Variants in TMEM232 observed in about 807,000 individuals in gnomAD.
The protein encoded by TMEM232 is transmembrane protein 232.
TMEM232 carries 80 observed loss-of-function variants against 78.8 expected under a neutral mutation model. The observed-to-expected ratio is 1.01, with a 90% CI of 0.85 to 1.22. The LOEUF (loss-of-function observed/expected upper bound fraction) is 1.22. TMEM232 is among the 50% of genes most tolerant of loss of function. The pLI, the probability that TMEM232 is intolerant of heterozygous loss-of-function variation, is 0.00. For synonymous variants in TMEM232, 297 were observed against 254.3 expected (o/e 1.17, Z -1.60); for missense variants, 881 against 742.2 (o/e 1.19, Z -2.17).
intron 12 of TMEM232, chr5:110,513,948 A>G (rs1398204567): frequency 5.9e-6 from 1 of 170,264 alleles, no homozygotes; most frequent in Non-Finnish European, 1.5e-5. Flanking sequence ...AAATAAAATC[A>G]GTATGCCAAA....
At chr5:110,541,157 G>A (rs1773054980) in intron 11 of TMEM232, among the ~76,000 whole-genome samples, 1 of 152,124 alleles carries the variant, frequency 6.6e-6, no homozygotes, top group Non-Finnish European at 1.5e-5. Context: ...TTTCCATATA[G>A]GGAGAGATGC....
At chr5:110,434,871 T>C (rs887126738) in intron 12 of TMEM232, among the ~76,000 whole-genome samples, 1 of 152,026 alleles carries the variant, frequency 6.6e-6, no homozygotes, top group Non-Finnish European at 1.5e-5. Flanking sequence ...CATTCATCAA[T>C]AAATTCAGCA....
In TMEM232 at chr5:110,620,665, CT is replaced by C. The variant is rs1240105155; in HGVS notation, c.769-2104del. Among the ~76,000 whole-genome samples, 104 of 122,300 alleles carry C rather than the reference CT, an allele frequency of 8.5e-4. 1 individual carries two copies. The highest frequency in any genetic ancestry group is 2.3e-3 in the African/African-American group (80 of 34,304). The allele number at this position is 122,300 out of a possible 152,430, so 80.2% of individuals were successfully genotyped here. On this transcript the variant is annotated intron_variant, in intron 7 of 13. Transcript: ENST00000455884. ...CTCTCTCCTCTCTCTCTCTCCTCCT[CT>C]CTCTCTCTCTCTCTCTCCCTCTCTC... is the stretch of plus-strand genomic sequence containing the variant.
At chr5:110,434,553 C>T (rs1191538400) in intron 12 of TMEM232, among the ~76,000 whole-genome samples, 1 of 151,936 alleles carries the variant, frequency 6.6e-6, no homozygotes, top group Non-Finnish European at 1.5e-5. Flanking sequence ...GGTACAAATG[C>T]CACTGAAACT....
chr5:110,444,659 C>T (rs933617682), intron 12 of TMEM232, among the ~76,000 whole-genome samples: 2 of 152,194 alleles, frequency 1.3e-5, no homozygotes, highest in South Asian at 2.1e-4. Context: ...TTAGTTGCCA[C>T]GTTTTGTGGT....
intron 11 of TMEM232, among the ~76,000 whole-genome samples, chr5:110,537,342 G>A (rs1425871796): frequency 6.6e-6 from 1 of 151,514 alleles, no homozygotes; most frequent in African/African-American, 2.4e-5. Context: ...TGCCCAGCCT[G>A]GAACAATGAG....
chr5:110,465,216 G>A (rs1761946838), intron 12 of TMEM232, among the ~76,000 whole-genome samples: 1 of 152,248 alleles, frequency 6.6e-6, no homozygotes, highest in African/African-American at 2.4e-5. Context: ...TTAGAAAGCT[G>A]TCTTGGCAAA....
intron 12 of TMEM232, among the ~76,000 whole-genome samples, chr5:110,436,960 T>C (rs1480028818): frequency 6.6e-6 from 1 of 152,094 alleles, no homozygotes; most frequent in African/African-American, 2.4e-5. Context: ...ATATAAACTT[T>C]AGAATTTTTT....
At chr5:110,708,251 C>T (rs1381231313) in intron 1 of TMEM232, among the ~76,000 whole-genome samples, 1 of 152,120 alleles carries the variant, frequency 6.6e-6, no homozygotes, top group Admixed American at 6.5e-5. Context: ...TGAAAATATC[C>T]TTCAAGTATG....
intron 2 of TMEM232, among the ~76,000 whole-genome samples, chr5:110,660,115 G>A (rs994111081): frequency 1.9e-4 from 29 of 151,968 alleles, no homozygotes; most frequent in African/African-American, 6.0e-4. Context: ...ATTATATTCT[G>A]ACACATCATA....
At chr5:110,499,820 C>G (rs2149440143) in intron 12 of TMEM232, among the ~76,000 whole-genome samples, 1 of 152,114 alleles carries the variant, frequency 6.6e-6, no homozygotes, top group Non-Finnish European at 1.5e-5. Flanking sequence ...TTTGTATAAT[C>G]CTCTTTAATC....
At chr5:110,664,304 C>T (rs1275847718) in intron 2 of TMEM232, among the ~76,000 whole-genome samples, 1 of 152,034 alleles carries the variant, frequency 6.6e-6, no homozygotes, top group Non-Finnish European at 1.5e-5. Flanking sequence ...GAAGAATATA[C>T]ATAATTACCA....
At chr5:110,415,537 G>A (rs1328500762), downstream of TMEM232, among the ~76,000 whole-genome samples, 1 of 151,476 alleles carries the variant, frequency 6.6e-6, no homozygotes. Context: ...AATAGATTGA[G>A]TCTTTCCTTC....
chr5:110,654,828 C>G (rs1308025124), intron 2 of TMEM232, among the ~76,000 whole-genome samples: 3 of 152,116 alleles, frequency 2.0e-5, no homozygotes, highest in Non-Finnish European at 4.4e-5. Context: ...TTTCATTGAG[C>G]AGCGGTTTGT....
At chr5:110,400,809 C>T (rs562928509) in intron 2 of TMEM232, among the ~76,000 whole-genome samples, 1 of 152,202 alleles carries the variant, frequency 6.6e-6, no homozygotes, top group South Asian at 2.1e-4. Flanking sequence ...GGCGGGGGAA[C>T]ATCCCTGGTT....
intron 6 of TMEM232, 36 bp from the exon 7 acceptor site, chr5:110,625,469 A>T: frequency 6.8e-7 from 1 of 1,475,812 alleles, no homozygotes; most frequent in Non-Finnish European, 9.0e-7. Flanking sequence ...GAAATAATTT[A>T]TTAATATTTT....
downstream of TMEM232, among the ~76,000 whole-genome samples, chr5:110,417,351 C>T (rs958220744): frequency 6.6e-6 from 1 of 152,136 alleles, no homozygotes; most frequent in South Asian, 2.1e-4. Flanking sequence ...GGGAAAACAA[C>T]TAAGGCTGAG....
intron 8 of TMEM232, among the ~76,000 whole-genome samples, chr5:110,615,623 G>A (rs949442843): frequency 1.3e-5 from 2 of 151,854 alleles, no homozygotes; most frequent in African/African-American, 4.8e-5. Context: ...ATACTAAAAG[G>A]CCTAGCCAGA....
intron 12 of TMEM232, among the ~76,000 whole-genome samples, chr5:110,497,590 T>A (rs778226254): frequency 7.9e-5 from 12 of 152,170 alleles, no homozygotes; most frequent in Non-Finnish European, 1.0e-4. Context: ...CAGCTTCTCT[T>A]GGAAGAGCAG....
Sources: gnomAD v4.1 joint callset for allele counts (sites outside exome capture counted in the v4.1 genomes callset) on GRCh38, gnomAD v4.1.1 for gene constraint, MANE v1.5 for transcripts, NCBI Gene and HGNC (gene_info 2026-07-23, HGNC 2026-07-21) for gene names.